AK8: variants seen among roughly 807,000 people sequenced by gnomAD.
AK8 encodes the protein ATP-AMP transphosphorylase 8.
A neutral mutation model predicts 54.6 loss-of-function variants in AK8; 44 were observed. The ratio of observed to expected loss-of-function variants is 0.81; its 90% CI spans 0.63 to 1.04. The LOEUF is 1.04. AK8 is among the 50% of genes least tolerant of loss of function. The probability of loss-of-function intolerance (pLI) is 0.00; values close to 1 mark genes in which losing one functional copy is unlikely to be tolerated. For missense variants in AK8, 555 were observed against 613.6 expected, an observed-to-expected ratio of 0.90 and a Z score of 1.01; for synonymous variants, 239 against 245.6, an observed-to-expected ratio of 0.97 and a Z score of 0.25.
At chr9:132,773,973 G>T (rs112827890) in intron 11 of AK8, among the ~76,000 whole-genome samples, 1 of 152,168 alleles carries the variant, frequency 6.6e-6, no homozygotes, top group African/African-American at 2.4e-5. Flanking sequence ...TAAGGTGTAG[G>T]GGGGAGACGG....
chr9:132,784,435 C>T (rs1285531961), intron 11 of AK8, among the ~76,000 whole-genome samples: 2 of 152,082 alleles, frequency 1.3e-5, no homozygotes, highest in Non-Finnish European at 2.9e-5. Context: ...AGGAGAATCG[C>T]TTGAAGTCAG....
At chr9:132,733,878 G>T (rs1262363644) in intron 11 of AK8, among the ~76,000 whole-genome samples, 3 of 152,316 alleles carry the variant, frequency 2.0e-5, no homozygotes, top group Middle Eastern at 3.4e-3. Context: ...CCAGGGGCGG[G>T]CACTCTACCT....
chr9:132,854,995 C>A (rs1588217576), intron 4 of AK8, 70 bp from the exon 5 acceptor site: 2 of 1,523,998 alleles, frequency 1.3e-6, no homozygotes, highest in Non-Finnish European at 1.8e-6. Flanking sequence ...CAGACCAGCA[C>A]ACACCCTTCA....
At chr9:132,867,312 A>G (rs1195510911) in intron 2 of AK8, among the ~76,000 whole-genome samples, 3 of 152,242 alleles carry the variant, frequency 2.0e-5, no homozygotes, top group Non-Finnish European at 4.4e-5. Flanking sequence ...AATTTATGCA[A>G]ATCGACCTTA....
At chr9:132,788,156 A>G (rs1839794823) in intron 11 of AK8, among the ~76,000 whole-genome samples, 1 of 152,222 alleles carries the variant, frequency 6.6e-6, no homozygotes, top group African/African-American at 2.4e-5. Context: ...AAACTAGACA[A>G]GTGAAAAAGC....
intron 5 of AK8, among the ~76,000 whole-genome samples, chr9:132,843,033 T>C (rs1842605011): frequency 6.6e-6 from 1 of 152,182 alleles, no homozygotes; most frequent in Non-Finnish European, 1.5e-5. Context: ...ATTCAGCTGG[T>C]CCTGCCCCCA....
chr9:132,872,736 C>T (rs1040898976), intron 2 of AK8, among the ~76,000 whole-genome samples: 11 of 152,098 alleles, frequency 7.2e-5, no homozygotes, highest in East Asian at 1.9e-4. Context: ...TGGGTTCAAG[C>T]GATTCTCCTG....
chr9:132,848,610 A>C (rs1216519342), intron 5 of AK8, among the ~76,000 whole-genome samples: 1 of 152,090 alleles, frequency 6.6e-6, no homozygotes, highest in East Asian at 1.9e-4. Context: ...TGGTTTTTCC[A>C]TCACAACCCT....
intron 11 of AK8, among the ~76,000 whole-genome samples, chr9:132,749,905 G>C (rs910222829): frequency 1.3e-5 from 2 of 149,630 alleles, no homozygotes; most frequent in African/African-American, 5.0e-5. Flanking sequence ...GGGTGGGCGT[G>C]CACTTGCCAT....
intron 11 of AK8, among the ~76,000 whole-genome samples, chr9:132,745,809 C>T (rs992089683): frequency 6.6e-6 from 1 of 152,138 alleles, no homozygotes; most frequent in Non-Finnish European, 1.5e-5. Flanking sequence ...TTTGTCCATC[C>T]GTACAAGGTG....
At position 132,858,865 on chromosome 9, in the gene AK8, C is replaced by T. The variant is rs946123476; in HGVS notation, c.334-3940G>A. On this transcript the variant is annotated intron_variant, in intron 4 of 12. Coordinates refer to ENST00000298545, the MANE Select transcript of AK8 (RefSeq NM_152572.3). ...CCTCATAGCGTGGCACCCAGACAGGCGCACGGAAGGACGTGGCAGCAAGAG... is the reference window on the plus strand; with the variant it reads ...CCTCATAGCGTGGCACCCAGACAGGTGCACGGAAGGACGTGGCAGCAAGAG... 3.3e-5 allele frequency among the ~76,000 whole-genome samples: 5 copies of T among 152,252 alleles called. No homozygotes were observed. The South Asian group carries it at 6.2e-4, about 19-fold the overall frequency.
chr9:132,833,988 C>T (rs1256999748), intron 5 of AK8, among the ~76,000 whole-genome samples: 2 of 152,270 alleles, frequency 1.3e-5, no homozygotes, highest in Non-Finnish European at 2.9e-5. Context: ...TTTCCCCAGT[C>T]CTGCCTCTGA....
chr9:132,878,211 G>C lies in AK8; in HGVS notation c.45C>G (p.Pro15=), dbSNP rs1252510911. Residue 15 remains proline (P), a synonymous_variant, in exon 1 of 13, where the codon CCC becomes CCG. Transcript: ENST00000298545. This position sits in a 1 kb window ranked among gnomAD's most constrained non-coding sequence, Gnocchi z 4.7. ...IAPHRIPPEM[P]QYGEENHIFE... ...AGATGTGGTTCTCCTCCCCGTACTGGGGCATCTCGGGGGGGATACGGTGCG... is the reference window on the plus strand; with the variant it reads ...AGATGTGGTTCTCCTCCCCGTACTGCGGCATCTCGGGGGGGATACGGTGCG... The C allele has an allele frequency of 2.0e-6, 3 of 1,467,324 alleles. No individual in the cohort carries two copies. The highest frequency in any genetic ancestry group is 5.0e-5 in the East Asian group (2 of 40,168). The allele number at this position is 1,467,324 out of a possible 1,614,324, so 90.9% of individuals were successfully genotyped here.
chr9:132,800,139 G>A (rs1320292808), intron 10 of AK8, among the ~76,000 whole-genome samples: 2 of 152,176 alleles, frequency 1.3e-5, no homozygotes, highest in Admixed American at 6.5e-5. Flanking sequence ...AAGGAAAGCC[G>A]AACGCCTCCC....
intron 1 of AK8, 56 bp from the exon 2 acceptor site, chr9:132,875,255 CCA>C: frequency 1.2e-6 from 2 of 1,600,650 alleles, no homozygotes; most frequent in Non-Finnish European, 1.7e-6. Flanking sequence ...CACCTGGTCA[CCA>C]CAGATACCAG....
chr9:132,736,779 C>A (rs1462412040), intron 11 of AK8, among the ~76,000 whole-genome samples: 2 of 116,018 alleles, frequency 1.7e-5, no homozygotes, highest in African/African-American at 3.1e-5. Context: ...AGTGAGAATC[C>A]ATCTCAAAAA....
intron 10 of AK8, 23 bp downstream of exon 10, chr9:132,814,615 C>A: frequency 6.2e-7 from 1 of 1,610,050 alleles, no homozygotes; most frequent in South Asian, 1.1e-5. Flanking sequence ...AAGGTCATGA[C>A]AGTTAGTGGG....
intron 11 of AK8, among the ~76,000 whole-genome samples, chr9:132,740,908 C>T (rs903693349): frequency 6.6e-6 from 1 of 152,194 alleles, no homozygotes; most frequent in Non-Finnish European, 1.5e-5. Flanking sequence ...GTCCAGAAGA[C>T]TTCTTTGAGG....
chr9:132,858,456 T>C (rs1046293677), intron 4 of AK8, among the ~76,000 whole-genome samples: 1 of 152,224 alleles, frequency 6.6e-6, no homozygotes, highest in Admixed American at 6.5e-5. Flanking sequence ...GGGATCCTAA[T>C]GTCCCTGTGT....
Sources: gnomAD v4.1 joint callset for allele counts (sites outside exome capture counted in the v4.1 genomes callset) on GRCh38, gnomAD v4.1.1 for gene constraint, Gnocchi (gnomAD v3.1) non-coding constraint, MANE v1.5 for transcripts, NCBI Gene and HGNC (gene_info 2026-07-23, HGNC 2026-07-21) for gene names.